Variants in IPO9 observed in about 807,000 individuals in gnomAD.
IPO9 encodes the protein importin-9.
In IPO9, 28 loss-of-function variants were observed where a neutral mutation model predicts 128.6. The observed-to-expected ratio is 0.22, with a 90% CI of 0.16 to 0.30. IPO9 has a LOEUF of 0.30. IPO9 is among the 10% of genes least tolerant of loss of function. The probability of loss-of-function intolerance (pLI) is 1.00; values close to 1 mark genes in which losing one functional copy is unlikely to be tolerated. For synonymous variants in IPO9, 455 were observed against 475.8 expected, an observed-to-expected ratio of 0.96 and a Z score of 0.57; for missense variants, 935 against 1,293.9, an observed-to-expected ratio of 0.72 and a Z score of 4.26.
At chr1:201,849,869 G>A (rs1680186194) in intron 4 of IPO9, among the ~76,000 whole-genome samples, 1 of 152,084 alleles carries the variant, frequency 6.6e-6, no homozygotes, top group African/African-American at 2.4e-5. Flanking sequence ...CCTTTCTTCT[G>A]CTTAATGACT....
At chr1:201,837,515 C>T (rs1410320127) in intron 1 of IPO9, among the ~76,000 whole-genome samples, 1 of 152,048 alleles carries the variant, frequency 6.6e-6, no homozygotes, top group Non-Finnish European at 1.5e-5. Flanking sequence ...TCAGTATTAC[C>T]CTACAGCTAT....
rs190927415 is a variant in IPO9 at position 201,854,286 on chromosome 1, T to C, written c.691-309T>C. Among the ~76,000 whole-genome samples, 172 of 152,370 alleles carry C rather than the reference T, an allele frequency of 1.1e-3. 3 individuals are homozygous for C. Among genetic ancestry groups the C allele is most frequent in the Admixed American group, 0.011 (170 of 15,306 alleles). ...CATCCCTTAGAACTTTCCTACTCTT[T>C]TATGGCCCTCTTGTGTGAAGCAAAG... On this transcript the variant is annotated intron_variant, in intron 6 of 23. Transcript: ENST00000361565.
chr1:201,875,092 A>AC, intron 22 of IPO9, 60 bp from the exon 23 acceptor site: 1 of 1,499,136 alleles, frequency 6.7e-7, no homozygotes, highest in Non-Finnish European at 9.3e-7. Context: ...GTATATCACC[A>AC]CTCAGGGCCT....
chr1:201,871,334 C>A lies in IPO9; in HGVS notation c.2576+7C>A, dbSNP rs761479898. 6.0e-6 allele frequency: 9 copies of A among 1,503,932 alleles called. No homozygotes were observed. The highest frequency in any genetic ancestry group is 8.1e-6 in the Non-Finnish European group (9 of 1,106,244). The allele number at this position is 1,503,932 out of a possible 1,614,324, so 93.2% of individuals were successfully genotyped here. On this transcript the variant is annotated splice_region_variant and intron_variant, in intron 19 of 23. Coordinates refer to ENST00000361565, the MANE Select transcript of IPO9 (RefSeq NM_018085.5). ...AGTATGAAGGCAAAGTCAGGTAGAACCTCATCTTTCTTTTCTGGGCATTCT... is the reference window on the plus strand; with the variant it reads ...AGTATGAAGGCAAAGTCAGGTAGAAACTCATCTTTCTTTTCTGGGCATTCT...
At position 201,877,959 on chromosome 1, in the gene IPO9, A is replaced by T. The variant is rs1680808343; in HGVS notation, c.*1905A>T. 1 of 152,222 alleles carries T rather than the reference A, an allele frequency of 6.6e-6. No individual in the cohort carries two copies. Among genetic ancestry groups the T allele is most frequent in the African/African-American group, 2.4e-5 (1 of 41,442 alleles). The allele number at this position is 152,222 out of a possible 1,614,324, so 9.4% of individuals were successfully genotyped here. A position where few individuals can be genotyped will look rare whatever the true frequency, so the allele number is the denominator to read the frequency against. On this transcript the variant is annotated 3_prime_UTR_variant, in exon 24 of 24. Coordinates refer to ENST00000361565, the MANE Select transcript of IPO9 (RefSeq NM_018085.5). ...AAAAAAGAGAAAGAATATAAAGTGA[A>T]TCTGAATCTCCACTCAAGGGGATGG...
intron 21 of IPO9, 97 bp from the exon 22 acceptor site, chr1:201,874,735 G>GA (rs1457101218): frequency 5.0e-5 from 41 of 827,304 alleles, no homozygotes; most frequent in Admixed American, 7.9e-5. Context: ...CCACATTGCA[G>GA]AAGCCTTTGG....
Position 201,881,671 on chromosome 1 carries a change from CAG to C in IPO9, c.*5618_*5619del, listed in dbSNP as rs1680885414. ...TGGGAGACTACCCAAGATAACTAAA[CAG>C]GGAAGTGATCAGGTTTTGTGTCTTA... On this transcript the variant is annotated 3_prime_UTR_variant, in exon 24 of 24. Transcript: ENST00000361565. The C allele has an allele frequency of 6.6e-6, 1 of 152,176 alleles. No homozygotes were observed. Among genetic ancestry groups the C allele is most frequent in the South Asian group, 2.1e-4 (1 of 4,832 alleles). The allele number at this position is 152,176 out of a possible 1,614,324, so 9.4% of individuals were successfully genotyped here.
intron 1 of IPO9, among the ~76,000 whole-genome samples, chr1:201,845,868 T>G: frequency 6.6e-6 from 1 of 152,214 alleles, no homozygotes; most frequent in East Asian, 1.9e-4. Flanking sequence ...TATGATGCAC[T>G]GTTGGTTTTA....
intron 19 of IPO9, among the ~76,000 whole-genome samples, chr1:201,872,421 G>T (rs1446949610): frequency 6.6e-6 from 1 of 151,930 alleles, no homozygotes; most frequent in African/African-American, 2.4e-5. Flanking sequence ...CGGGCAACAT[G>T]GTGAAACCTG....
chr1:201,854,846 C>T lies in IPO9; in HGVS notation c.834C>T (p.Asn278=). 1 of 1,610,308 alleles carries T rather than the reference C, an allele frequency of 6.2e-7. No individual in the cohort carries two copies. The highest frequency in any genetic ancestry group is 8.5e-7 in the Non-Finnish European group (1 of 1,178,820). ...VLKAVTALVK[N]FPKHMVSSMQ... Reference sequence around the variant, plus strand: ...AGGCAGTGACAGCCCTAGTGAAAAACTTCCCAAAGCACATGGTGTCCTCCA... The same window carrying T: ...AGGCAGTGACAGCCCTAGTGAAAAATTTCCCAAAGCACATGGTGTCCTCCA... Residue 278 remains asparagine (N), a synonymous_variant, in exon 8 of 24, where the codon AAC becomes AAT. Coordinates refer to ENST00000361565, the MANE Select transcript of IPO9 (RefSeq NM_018085.5).
chr1:201,850,113 GTT>G (rs1196818228), intron 4 of IPO9, among the ~76,000 whole-genome samples: 1 of 152,192 alleles, frequency 6.6e-6, no homozygotes, highest in Non-Finnish European at 1.5e-5. Context: ...CTCTTATTGT[GTT>G]TGACTAAGGA....
intron 15 of IPO9, among the ~76,000 whole-genome samples, chr1:201,868,327 A>G (rs368012009): frequency 7.7e-5 from 11 of 143,016 alleles, no homozygotes; most frequent in African/African-American, 2.9e-4. Flanking sequence ...TTTTTTAAGC[A>G]TTTGGTTTTA....
At chr1:201,853,630 A>G (rs1291830812) in intron 6 of IPO9, among the ~76,000 whole-genome samples, 1 of 152,174 alleles carries the variant, frequency 6.6e-6, no homozygotes, top group Non-Finnish European at 1.5e-5. Context: ...AGCTCACTGC[A>G]GCCTCAACCT....
At chr1:201,836,176 A>AAC (rs916559745) in intron 1 of IPO9, among the ~76,000 whole-genome samples, 90 of 150,178 alleles carry the variant, frequency 6.0e-4, no homozygotes, top group African/African-American at 1.8e-3. Flanking sequence ...GAAGTCCCCC[A>AAC]ACACACACAC....
At chr1:201,856,387 T>C (rs1243965777) in intron 10 of IPO9, among the ~76,000 whole-genome samples, 2 of 152,138 alleles carry the variant, frequency 1.3e-5, no homozygotes, top group Non-Finnish European at 2.9e-5. Flanking sequence ...TGATGGTGGG[T>C]CATCAAAAGC....
intron 3 of IPO9, 47 bp downstream of exon 3, chr1:201,847,685 A>G: frequency 8.0e-7 from 1 of 1,254,684 alleles, no homozygotes; most frequent in Non-Finnish European, 1.2e-6. Context: ...TTGAGGGTCC[A>G]TTTTAAGAGA....
At chr1:201,868,931 G>A (rs1267740220) in intron 16 of IPO9, 135 bp downstream of exon 16, 1 of 1,293,550 alleles carries the variant, frequency 7.7e-7, no homozygotes. Flanking sequence ...TTGCCTGCAA[G>A]GACAGTGGGT....
At chr1:201,846,971 A>T (rs548555248) in intron 1 of IPO9, among the ~76,000 whole-genome samples, 23 of 152,320 alleles carry the variant, frequency 1.5e-4, no homozygotes, top group East Asian at 7.7e-4. Flanking sequence ...GCCAGGCTCC[A>T]TGTTTCAATT....
At position 201,870,516 on chromosome 1, in the gene IPO9, C is replaced by T. The variant is rs1680628889; in HGVS notation, c.2134-67C>T. On this transcript the variant is annotated intron_variant, in intron 17 of 23. Coordinates refer to ENST00000361565, the MANE Select transcript of IPO9 (RefSeq NM_018085.5). The surrounding 1 kb of genome is among the most constrained non-coding windows in gnomAD (Gnocchi z 4.9). ...AGGCCTCTGGGAACATTTGTTTATA[C>T]AGACTGAGGGCCTTCTGGCATCTGT... The T allele has an allele frequency of 6.5e-7, 1 of 1,540,328 alleles. No homozygotes were observed. The highest frequency in any genetic ancestry group is 8.8e-7 in the Non-Finnish European group (1 of 1,138,810).
Sources: gnomAD v4.1 joint callset for allele counts (sites outside exome capture counted in the v4.1 genomes callset) on GRCh38, gnomAD v4.1.1 for gene constraint, Gnocchi (gnomAD v3.1) non-coding constraint, MANE v1.5 for transcripts, NCBI Gene and HGNC (gene_info 2026-07-23, HGNC 2026-07-21) for gene names.